The following CLASRP variants were observed in gnomAD, a reference collection of about 807,000 sequenced individuals.
CLASRP encodes CLK4-associating serine/arginine rich protein.
CLASRP carries 52 observed loss-of-function variants against 99.9 expected under a neutral mutation model. The observed-to-expected ratio is 0.52, with a 90% CI of 0.42 to 0.66. The LOEUF (loss-of-function observed/expected upper bound fraction) is 0.66. CLASRP is among the 30% of genes least tolerant of loss of function. The probability of loss-of-function intolerance (pLI) is 0.00; values close to 1 mark genes in which losing one functional copy is unlikely to be tolerated. For missense variants in CLASRP, 848 were observed against 999.2 expected (o/e 0.85, Z 2.04); for synonymous variants, 379 against 373.0 (o/e 1.02, Z -0.18).
At chr19:45,056,404 T>G (rs768375360) in intron 5 of CLASRP, 46 bp from the exon 6 acceptor site, 8 of 1,567,830 alleles carry the variant, frequency 5.1e-6, no homozygotes, top group Non-Finnish European at 7.0e-6. Context: ...ACTGAATTCC[T>G]AGTGTCCCCA....
At chr19:45,048,419 G>A (rs530012204) in intron 2 of CLASRP, among the ~76,000 whole-genome samples, 41 of 151,260 alleles carry the variant, frequency 2.7e-4, no homozygotes, top group Non-Finnish European at 5.6e-4. Flanking sequence ...GCCTGTACTC[G>A]GGAGGCTGAG....
Position 45,070,558 on chromosome 19 carries a change from G to A in CLASRP, c.1979G>A (p.Arg660Gln), listed in dbSNP as rs906466848. 1.1e-5 allele frequency: 17 copies of A among 1,613,426 alleles called. No homozygotes were observed. Among genetic ancestry groups the A allele is most frequent in the Admixed American group, 1.7e-5 (1 of 59,984 alleles). The part of the protein sequence containing the change: ...PRYSREYSSS[R>Q]RRSRSRSRSP... Reference sequence around the variant, plus strand: ...CCAGGTCGAGAATACAGCTCTTCTCGAAGGTAAGGAAGCCCATGACCCTCC... The same window carrying A: ...CCAGGTCGAGAATACAGCTCTTCTCAAAGGTAAGGAAGCCCATGACCCTCC... Residue 660 changes from arginine (R) to glutamine (Q), a missense_variant, in exon 20 of 21, where the codon CGA becomes CAA. Physicochemically the swap from Arg to Gln is conservative, Grantham distance 43 (BLOSUM62 1). Around this residue, in one of 8 missense-constraint regions of CLASRP, gnomAD observed 116 missense variants for 162.7 expected, o/e 0.71. Coordinates refer to ENST00000221455, the MANE Select transcript of CLASRP (RefSeq NM_007056.3).
In CLASRP at chr19:45,060,417, G is replaced by C. The variant is rs1966913194; in HGVS notation, c.739G>C (p.Glu247Gln). 1 of 1,614,166 alleles carries C rather than the reference G, an allele frequency of 6.2e-7. No homozygotes were observed. Among genetic ancestry groups the C allele is most frequent in the Non-Finnish European group, 8.5e-7 (1 of 1,180,026 alleles). ...GCTCCGGAAAGACAAGGAGGAGGCAGAGGCCATCAAGCATGCCAAGGCTCT... is the reference window on the plus strand; with the variant it reads ...GCTCCGGAAAGACAAGGAGGAGGCACAGGCCATCAAGCATGCCAAGGCTCT... Reference protein sequence around the residue: ...RMLRKDKEEAEAIKHAKALEE... With the variant: ...RMLRKDKEEAQAIKHAKALEE... Residue 247 changes from glutamate (E) to glutamine (Q), a missense_variant, in exon 9 of 21, where the codon GAG (glutamate) becomes CAG (glutamine). This residue lies in a region of CLASRP where 119 missense variants were observed against 170.2 expected (regional missense o/e 0.70). Coordinates refer to ENST00000221455, the MANE Select transcript of CLASRP (RefSeq NM_007056.3). The surrounding 1 kb of genome is among the most constrained non-coding windows in gnomAD (Gnocchi z 4.6).
chr19:45,064,013 T>G lies in CLASRP; in HGVS notation c.907T>G (p.Ser303Ala). 6.2e-7 allele frequency: 1 copy of G among 1,608,358 alleles called. No homozygotes were observed. The highest frequency in any genetic ancestry group is 8.5e-7 in the Non-Finnish European group (1 of 1,177,802). ...GAGCCTCCTCCTCCCTACCCGCAGGTCACCCTCGGAGTCCAGCTCAGAGTC... is the reference window on the plus strand; with the variant it reads ...GAGCCTCCTCCTCCCTACCCGCAGGGCACCCTCGGAGTCCAGCTCAGAGTC... Reference protein sequence around the residue: ...DSPTYDPYKRSPSESSSESRS... With the variant: ...DSPTYDPYKRAPSESSSESRS... The change falls in exon 12 of 21, where the codon TCA (serine) becomes GCA (alanine). Residue 303 changes from serine (S) to alanine (A), a missense_variant and splice_region_variant. By Grantham distance (99) the Ser-to-Ala change is moderately conservative (BLOSUM62 1). Coordinates refer to ENST00000221455, the MANE Select transcript of CLASRP (RefSeq NM_007056.3).
In CLASRP at chr19:45,057,736, C is replaced by T. The variant is rs904144774; in HGVS notation, c.465-14C>T. ...ACTGGGCACGGCCCTGGCTTACCAG[C>T]TCCCCTTTCTCAGGCTGGCAGAGAA... On this transcript the variant is annotated splice_polypyrimidine_tract_variant and intron_variant, in intron 6 of 20. Coordinates refer to ENST00000221455, the MANE Select transcript of CLASRP (RefSeq NM_007056.3). 6.2e-7 allele frequency: 1 copy of T among 1,613,564 alleles called. No homozygotes were observed. The highest frequency in any genetic ancestry group is 1.3e-5 in the African/African-American group (1 of 74,872).
chr19:45,060,317 T>C lies in CLASRP; in HGVS notation c.711-72T>C, dbSNP rs910521980. 2.9e-6 allele frequency: 4 copies of C among 1,392,450 alleles called. No individual in the cohort carries two copies. Among genetic ancestry groups the C allele is most frequent in the Non-Finnish European group, 4.1e-6 (4 of 979,666 alleles). 86.3% of individuals were successfully genotyped at this position (1,392,450 alleles called of 1,614,324 possible). ...GACTCAGGTCCCTCACTTTCTCTGA[T>C]GACTCAGTCTGTGTCCTCCTTACCC... is the stretch of plus-strand genomic sequence containing the variant. On this transcript the variant is annotated intron_variant, in intron 8 of 20. Coordinates refer to ENST00000221455, the MANE Select transcript of CLASRP (RefSeq NM_007056.3). This position sits in a 1 kb window ranked among gnomAD's most constrained non-coding sequence, Gnocchi z 4.6.
intron 11 of CLASRP, among the ~76,000 whole-genome samples, chr19:45,063,591 T>C (rs894138171): frequency 6.6e-5 from 10 of 151,698 alleles, no homozygotes; most frequent in Admixed American, 5.9e-4. Context: ...GAATTACAGG[T>C]GCGCGCCACC....
At chr19:45,052,477 C>T (rs1213092553) in intron 3 of CLASRP, among the ~76,000 whole-genome samples, 2 of 152,168 alleles carry the variant, frequency 1.3e-5, no homozygotes, top group East Asian at 3.9e-4. Flanking sequence ...TGCCTGGGGC[C>T]CGCCCCTCAA....
intron 16 of CLASRP, 71 bp from the exon 17 acceptor site, chr19:45,068,995 A>G: frequency 1.4e-6 from 2 of 1,427,560 alleles, no homozygotes; most frequent in Non-Finnish European, 9.7e-7. Context: ...GTCTCAAAAA[A>G]AAAAAAAAAG....
At chr19:45,051,940 C>A in intron 2 of CLASRP, 131 bp from the exon 3 acceptor site, 3 of 677,932 alleles carry the variant, frequency 4.4e-6, no homozygotes, top group Non-Finnish European at 7.7e-6. Context: ...TGCACTCCAG[C>A]CTGGGCGACA....
chr19:45,051,982 G>A, intron 2 of CLASRP, 89 bp from the exon 3 acceptor site: 1 of 962,276 alleles, frequency 1.0e-6, no homozygotes, highest in South Asian at 1.4e-5. Context: ...AAAAAAAGAA[G>A]TGAGCTTGCT....
chr19:45,049,922 G>T (rs1259395854), intron 2 of CLASRP, among the ~76,000 whole-genome samples: 1 of 152,192 alleles, frequency 6.6e-6, no homozygotes, highest in Non-Finnish European at 1.5e-5. Flanking sequence ...TGAGTGAATT[G>T]TGTGGTATAT....
chr19:45,052,409 A>G (rs534475765), intron 3 of CLASRP, among the ~76,000 whole-genome samples: 3 of 152,318 alleles, frequency 2.0e-5, no homozygotes, highest in East Asian at 3.9e-4. Context: ...GGGTGGAGCC[A>G]GGGCCAGAGG....
intron 11 of CLASRP, 132 bp from the exon 12 acceptor site, chr19:45,063,880 G>T (rs1251352167): frequency 2.2e-5 from 29 of 1,307,252 alleles, no homozygotes; most frequent in Non-Finnish European, 2.9e-5. Flanking sequence ...CTGCCCTCCA[G>T]GCTCCATCCA....
At position 45,070,549 on chromosome 19, in the gene CLASRP, G is replaced by A; in HGVS notation, c.1970G>A (p.Ser657Asn). 6.2e-7 allele frequency: 1 copy of A among 1,613,772 alleles called. No individual in the cohort carries two copies. ...GTTTTCTTTCCAGGTCGAGAATACA[G>A]CTCTTCTCGAAGGTAAGGAAGCCCA... is the stretch of plus-strand genomic sequence containing the variant. ...SPSPRYSREY[S>N]SSRRRSRSRS... The change falls in exon 20 of 21, where the codon AGC (serine) becomes AAC (asparagine). Residue 657 changes from serine (S) to asparagine (N), a missense_variant. Ser to Asn is a conservative substitution (Grantham distance 46). This residue lies in a region of CLASRP where 116 missense variants were observed against 162.7 expected (regional missense o/e 0.71). Coordinates refer to ENST00000221455, the MANE Select transcript of CLASRP (RefSeq NM_007056.3).
intron 2 of CLASRP, among the ~76,000 whole-genome samples, chr19:45,049,838 G>A (rs1306536992): frequency 1.3e-5 from 2 of 152,184 alleles, no homozygotes; most frequent in African/African-American, 4.8e-5. Flanking sequence ...TAACATGGGA[G>A]AAAGGTGATG....
intron 18 of CLASRP, 189 bp from the exon 19 acceptor site, chr19:45,069,833 G>A (rs2122621159): frequency 1.7e-6 from 1 of 575,444 alleles, no homozygotes. Context: ...GAAGGGGCTG[G>A]GATTCCAGTC....
chr19:45,070,207 C>T, intron 19 of CLASRP, 103 bp downstream of exon 19: 1 of 780,858 alleles, frequency 1.3e-6, no homozygotes, highest in South Asian at 1.4e-5. Context: ...TGGCTCACGC[C>T]TGTAATCCCA....
rs187996940 is a variant in CLASRP, at chr19:45,045,153, A to G, written c.99+4842A>G. Among the ~76,000 whole-genome samples the G allele has an allele frequency of 3.7e-3, 567 of 152,286 alleles. 2 individuals carry two copies. Among genetic ancestry groups the G allele is most frequent in the African/African-American group, 0.013 (539 of 41,558 alleles). On this transcript the variant is annotated intron_variant, in intron 2 of 20. Transcript: ENST00000221455. ...CGAGGTCTAAGAGGCTCTGGCCATC[A>G]TGTCTTCATTCTATCCAGCAGGGAG...
Sources: allele counts gnomAD v4.1 joint callset (sites outside exome capture counted in the v4.1 genomes callset), GRCh38; gene constraint gnomAD v4.1.1; regional missense constraint gnomAD v4.1.1; non-coding constraint Gnocchi (gnomAD v3.1); transcripts MANE v1.5; gene names NCBI Gene and HGNC (gene_info 2026-07-23, HGNC 2026-07-21).